CTNNA3: variants seen among roughly 807,000 people sequenced by gnomAD.
CTNNA3 encodes catenin alpha 3.
Under a neutral mutation model 95.7 loss-of-function variants are expected in CTNNA3, and 76 were observed. The observed-to-expected ratio is 0.79, with a 90% confidence interval of 0.66 to 0.96. The LOEUF is 0.96. CTNNA3 is among the 40% of genes least tolerant of loss of function. The probability of loss-of-function intolerance (pLI) is 0.00; values close to 1 mark genes in which losing one functional copy is unlikely to be tolerated. For missense variants in CTNNA3, 1,191 were observed against 1,089.8 expected (o/e 1.09, Z -1.31); for synonymous variants, 431 against 374.4 (o/e 1.15, Z -1.74).
chr10:66,156,074 T>C (rs964482809), intron 13 of CTNNA3, among the ~76,000 whole-genome samples: 1 of 151,868 alleles, frequency 6.6e-6, no homozygotes, highest in Admixed American at 6.6e-5. Context: ...CCATTACACA[T>C]CCACCAGAAT....
intron 5 of CTNNA3, among the ~76,000 whole-genome samples, chr10:67,410,840 A>G (rs1203628609): frequency 6.6e-6 from 1 of 152,180 alleles, no homozygotes; most frequent in Non-Finnish European, 1.5e-5. Flanking sequence ...AAAATGTGTT[A>G]TATATACACA....
intron 5 of CTNNA3, among the ~76,000 whole-genome samples, chr10:67,382,467 A>G (rs1464774801): frequency 1.3e-5 from 2 of 152,248 alleles, no homozygotes; most frequent in Non-Finnish European, 2.9e-5. Context: ...ACAAAGGTTC[A>G]TGTGATAGAA....
chr10:66,118,801 C>T (rs962334333), intron 13 of CTNNA3, among the ~76,000 whole-genome samples: 1 of 152,074 alleles, frequency 6.6e-6, no homozygotes, highest in South Asian at 2.1e-4. Flanking sequence ...AAAAGCATGC[C>T]ATATTCTATC....
At chr10:67,234,527 C>T (rs997075887) in intron 5 of CTNNA3, among the ~76,000 whole-genome samples, 11 of 152,116 alleles carry the variant, frequency 7.2e-5, no homozygotes, top group African/African-American at 2.4e-4. Flanking sequence ...ATAATAAGCA[C>T]TATCTATGAC....
At chr10:67,750,694 T>C in intron 1 of CTNNA3, 1 of 1,559,582 alleles carries the variant, frequency 6.4e-7, no homozygotes, top group Non-Finnish European at 8.8e-7. Context: ...AAAAGCAATG[T>C]TCTTGGATGC....
chr10:66,963,816 TTTG>T (rs1849252596), intron 7 of CTNNA3, among the ~76,000 whole-genome samples: 1 of 151,236 alleles, frequency 6.6e-6, no homozygotes, highest in Admixed American at 6.6e-5. Flanking sequence ...TTCTCAAGGA[TTTG>T]TTGTTTTATC....
intron 11 of CTNNA3, among the ~76,000 whole-genome samples, chr10:66,479,201 C>T (rs1839428749): frequency 6.6e-6 from 1 of 151,908 alleles, no homozygotes; most frequent in Non-Finnish European, 1.5e-5. Context: ...TCTACATATA[C>T]TTGTATCTAT....
chr10:66,409,733 C>T (rs1476244913), intron 11 of CTNNA3, among the ~76,000 whole-genome samples: 2 of 152,014 alleles, frequency 1.3e-5, no homozygotes, highest in African/African-American at 2.4e-5. Flanking sequence ...AAGACAGGAT[C>T]GATAATATTT....
At position 66,669,039 on chromosome 10, in the gene CTNNA3, T is replaced by A. The variant is rs532005795; in HGVS notation, c.1282-47255A>T. Among the ~76,000 whole-genome samples the A allele has an allele frequency of 6.6e-5, 10 of 152,220 alleles. No individual in the cohort carries two copies. In the East Asian group the frequency reaches 1.4e-3, roughly 21 times the overall value. On this transcript the variant is annotated intron_variant, in intron 9 of 17. Coordinates refer to ENST00000433211, the MANE Select transcript of CTNNA3 (RefSeq NM_013266.4). ...ATACTGAATATATATGTTCCAATAT[T>A]CTAAATCTCTAATATAATTCAATTA...
intron 10 of CTNNA3, among the ~76,000 whole-genome samples, chr10:66,536,962 T>C (rs1841680692): frequency 6.6e-6 from 1 of 152,096 alleles, no homozygotes; most frequent in African/African-American, 2.4e-5. Flanking sequence ...GAAAATAAGC[T>C]TCACTCTTCT....
intron 10 of CTNNA3, among the ~76,000 whole-genome samples, chr10:66,528,095 C>A (rs1482005096): frequency 2.0e-5 from 3 of 152,044 alleles, no homozygotes; most frequent in Admixed American, 1.3e-4. Context: ...AAGGACATTC[C>A]CTGCCCACGC....
At chr10:66,876,696 TA>T (rs200731426) in intron 7 of CTNNA3, among the ~76,000 whole-genome samples, 64,992 of 151,640 alleles carry the variant, frequency 0.43, 14,221 homozygotes, top group Non-Finnish European at 0.46. Flanking sequence ...TGTTTAACCT[TA>T]GCAGGATCAA....
chr10:67,705,424 T>C (rs1450967068), intron 1 of CTNNA3, among the ~76,000 whole-genome samples: 33 of 149,152 alleles, frequency 2.2e-4, no homozygotes, highest in Middle Eastern at 3.5e-3. Context: ...GTGGCACATA[T>C]ACACCATGGA....
intron 2 of CTNNA3, among the ~76,000 whole-genome samples, chr10:67,631,543 G>A (rs1839143406): frequency 6.6e-6 from 1 of 152,144 alleles, no homozygotes; most frequent in Admixed American, 6.5e-5. Flanking sequence ...TAAATCATGA[G>A]GAAAGTGAAG....
intron 7 of CTNNA3, among the ~76,000 whole-genome samples, chr10:66,816,062 G>A (rs1397941078): frequency 6.6e-6 from 1 of 152,092 alleles, no homozygotes; most frequent in African/African-American, 2.4e-5. Flanking sequence ...AGGACTGGGG[G>A]AAAATGAATC....
intron 11 of CTNNA3, among the ~76,000 whole-genome samples, chr10:66,497,190 G>A (rs559978556): frequency 6.6e-6 from 1 of 151,958 alleles, no homozygotes; most frequent in Non-Finnish European, 1.5e-5. Context: ...ACATAATAAA[G>A]CGTTCTTGCC....
At chr10:67,664,048 A>C (rs1200948971) in intron 1 of CTNNA3, among the ~76,000 whole-genome samples, 1 of 152,244 alleles carries the variant, frequency 6.6e-6, no homozygotes, top group Non-Finnish European at 1.5e-5. Flanking sequence ...AATTCAAGTT[A>C]AATTTACTGC....
At chr10:66,629,104 A>C (rs1449294587) in intron 9 of CTNNA3, among the ~76,000 whole-genome samples, 1 of 152,130 alleles carries the variant, frequency 6.6e-6, no homozygotes, top group Admixed American at 6.6e-5. Context: ...GGAGAAGAAA[A>C]GGTTTCAAGA....
intron 13 of CTNNA3, among the ~76,000 whole-genome samples, chr10:66,276,702 A>G (rs2091405803): frequency 6.6e-6 from 1 of 152,124 alleles, no homozygotes; most frequent in Non-Finnish European, 1.5e-5. Context: ...CTCTACAAGC[A>G]TGCTTATGTA....
Sources: gnomAD v4.1 joint callset for allele counts (sites outside exome capture counted in the v4.1 genomes callset) on GRCh38, gnomAD v4.1.1 for gene constraint, MANE v1.5 for transcripts, NCBI Gene and HGNC (gene_info 2026-07-23, HGNC 2026-07-21) for gene names.